Variants in VPS41 observed in about 807,000 individuals in gnomAD.
VPS41 encodes the protein VPS41 subunit of HOPS complex.
VPS41 carries 85 observed loss-of-function variants against 130.9 expected under a neutral mutation model. The observed-to-expected ratio is 0.65, with a 90% CI of 0.55 to 0.78. The LOEUF (loss-of-function observed/expected upper bound fraction) is 0.78. VPS41 is among the 30% of genes least tolerant of loss of function. The probability of loss-of-function intolerance (pLI) is 0.00; values close to 1 mark genes in which losing one functional copy is unlikely to be tolerated. For synonymous variants in VPS41, 335 were observed against 332.9 expected (o/e 1.01, Z -0.07); for missense variants, 874 against 1,018.7 (o/e 0.86, Z 1.93).
In VPS41 at chr7:38,743,445, T is replaced by A; in HGVS notation, c.2079A>T (p.Gly693=). Residue 693 remains glycine, a synonymous_variant, in exon 24 of 29, where the codon GGA becomes GGT. Transcript: ENST00000310301. ...AIEFAKEQDD[G]ELWEDLILYS... ...ATAAAATCAAATCTTCCCACAGCTCTCCATCATCTTGCTCCTTGGCAAATT... is the reference window on the plus strand; with the variant it reads ...ATAAAATCAAATCTTCCCACAGCTCACCATCATCTTGCTCCTTGGCAAATT... The A allele has an allele frequency of 1.9e-6, 3 of 1,614,012 alleles. No individual in the cohort carries two copies. Among genetic ancestry groups the A allele is most frequent in the Non-Finnish European group, 2.5e-6 (3 of 1,179,894 alleles).
At chr7:38,894,673 C>T (rs549811810) in intron 2 of VPS41, among the ~76,000 whole-genome samples, 2 of 152,224 alleles carry the variant, frequency 1.3e-5, no homozygotes, top group Admixed American at 6.5e-5. Flanking sequence ...ATTTTTCACA[C>T]GAGGAAACTG....
At chr7:38,765,257 A>G (rs1343943631) in intron 16 of VPS41, among the ~76,000 whole-genome samples, 1 of 152,192 alleles carries the variant, frequency 6.6e-6, no homozygotes, top group Non-Finnish European at 1.5e-5. Flanking sequence ...ATCTAAAAAA[A>G]GTCTTATGCT....
intron 17 of VPS41, among the ~76,000 whole-genome samples, chr7:38,759,545 G>A (rs1265346619): frequency 2.6e-5 from 4 of 152,182 alleles, no homozygotes; most frequent in East Asian, 3.8e-4. Context: ...GTGAAGAGTT[G>A]CAGGGAATAT....
chr7:38,828,888 A>C (rs185136498), intron 5 of VPS41, among the ~76,000 whole-genome samples: 11 of 152,308 alleles, frequency 7.2e-5, no homozygotes, highest in South Asian at 2.1e-4. Context: ...ATTCTTCAAC[A>C]TTTAAAGCTC....
At position 38,898,227 on chromosome 7, in the gene VPS41, G is replaced by T. The variant is rs143481120; in HGVS notation, c.22-98C>A. 1,481 of 991,722 alleles carry T rather than the reference G, an allele frequency of 1.5e-3. 14 individuals are homozygous for T. Among genetic ancestry groups the T allele is most frequent in the South Asian group, 2.3e-3 (172 of 74,580 alleles). The allele number at this position is 991,722 out of a possible 1,614,324, so 61.4% of individuals were successfully genotyped here. ...CTCATGTTCCTACTACCACGCATCT[G>T]CCCTTTTTGGAAGAGAATCTACAAC... On this transcript the variant is annotated intron_variant, in intron 1 of 28. Coordinates refer to ENST00000310301, the MANE Select transcript of VPS41 (RefSeq NM_014396.4).
intron 13 of VPS41, among the ~76,000 whole-genome samples, chr7:38,772,171 T>C (rs1197117913): frequency 1.3e-5 from 2 of 152,154 alleles, no homozygotes; most frequent in South Asian, 2.1e-4. Flanking sequence ...AAAAATGTGA[T>C]AAGTATAAAA....
chr7:38,844,035 G>A lies in VPS41; in HGVS notation c.247-13707C>T, dbSNP rs145591225. ...ATGTATAAGCAATGCTGCTTTCTAAGCGAAAGGTATTTATTTAAGTTACAT... is the reference window on the plus strand; with the variant it reads ...ATGTATAAGCAATGCTGCTTTCTAAACGAAAGGTATTTATTTAAGTTACAT... On this transcript the variant is annotated intron_variant, in intron 4 of 28. Coordinates refer to ENST00000310301, the MANE Select transcript of VPS41 (RefSeq NM_014396.4). 1.8e-4 allele frequency among the ~76,000 whole-genome samples: 28 copies of A among 152,304 alleles called. 1 individual carries two copies. In the East Asian group the frequency reaches 5.2e-3, roughly 28 times the overall value.
At chr7:38,849,157 A>C (rs1785793180) in intron 4 of VPS41, among the ~76,000 whole-genome samples, 1 of 152,160 alleles carries the variant, frequency 6.6e-6, no homozygotes, top group South Asian at 2.1e-4. Context: ...TCTCCTTCAC[A>C]GGGCATGTGA....
At chr7:38,751,229 A>C (rs1031401533) in intron 22 of VPS41, among the ~76,000 whole-genome samples, 10 of 152,250 alleles carry the variant, frequency 6.6e-5, no homozygotes, top group African/African-American at 2.4e-4. Context: ...GTAAGTGTAC[A>C]TAAACTGTGT....
chr7:38,837,944 AAAAG>A (rs1344283327), intron 4 of VPS41, among the ~76,000 whole-genome samples: 1 of 152,254 alleles, frequency 6.6e-6, no homozygotes, highest in Non-Finnish European at 1.5e-5. Flanking sequence ...TCTAAAAACA[AAAAG>A]AAACCAGATA....
At chr7:38,865,017 G>A (rs1045946017) in intron 3 of VPS41, among the ~76,000 whole-genome samples, 2 of 151,960 alleles carry the variant, frequency 1.3e-5, no homozygotes, top group African/African-American at 2.4e-5. Flanking sequence ...GCAGTCCTTT[G>A]GACAATGCAA....
intron 25 of VPS41, among the ~76,000 whole-genome samples, chr7:38,731,468 CA>C (rs1795661302): frequency 6.6e-6 from 1 of 152,196 alleles, no homozygotes; most frequent in Admixed American, 6.5e-5. Context: ...CACTGATGGC[CA>C]AAAGTCAGAT....
intron 9 of VPS41, among the ~76,000 whole-genome samples, chr7:38,790,565 T>A (rs1435776742): frequency 2.0e-5 from 3 of 152,204 alleles, no homozygotes; most frequent in Non-Finnish European, 4.4e-5. Flanking sequence ...AACTACTTCA[T>A]TAAGTCTATG....
chr7:38,895,549 G>A (rs1786966452), intron 2 of VPS41, among the ~76,000 whole-genome samples: 1 of 152,102 alleles, frequency 6.6e-6, no homozygotes, highest in Non-Finnish European at 1.5e-5. Flanking sequence ...CTGGATAGCA[G>A]TAACAGACGT....
At chr7:38,803,426 G>T (rs1282976276) in intron 7 of VPS41, among the ~76,000 whole-genome samples, 1 of 152,206 alleles carries the variant, frequency 6.6e-6, no homozygotes, top group Non-Finnish European at 1.5e-5. Flanking sequence ...TCAGCCGAGG[G>T]TCAAGGCTTA....
At chr7:38,741,696 T>C (rs1454297861) in intron 25 of VPS41, among the ~76,000 whole-genome samples, 2 of 152,230 alleles carry the variant, frequency 1.3e-5, no homozygotes, top group Non-Finnish European at 2.9e-5. Flanking sequence ...CCATGTTATA[T>C]TAACCATACA....
intron 25 of VPS41, among the ~76,000 whole-genome samples, chr7:38,738,550 T>G (rs528851873): frequency 1.3e-5 from 2 of 152,350 alleles, no homozygotes; most frequent in Non-Finnish European, 2.9e-5. Context: ...AACAACTACA[T>G]GCTAAATTTA....
chr7:38,791,927 G>A (rs909492271), intron 9 of VPS41, among the ~76,000 whole-genome samples: 30 of 152,210 alleles, frequency 2.0e-4, no homozygotes, highest in African/African-American at 7.2e-4. Flanking sequence ...AGAACTTGAG[G>A]GCTGACAGTC....
chr7:38,842,523 A>C (rs1785628785), intron 4 of VPS41, among the ~76,000 whole-genome samples: 1 of 152,114 alleles, frequency 6.6e-6, no homozygotes, highest in East Asian at 1.9e-4. Context: ...TTTCATCCTC[A>C]TTCGAATAGT....
Sources: allele counts gnomAD v4.1 joint callset (sites outside exome capture counted in the v4.1 genomes callset), GRCh38; gene constraint gnomAD v4.1.1; transcripts MANE v1.5; gene names NCBI Gene and HGNC (gene_info 2026-07-23, HGNC 2026-07-21).